ASIC5: variants seen among roughly 807,000 people sequenced by gnomAD.
ASIC5 encodes acid sensing ion channel subunit family member 5, also known as bile acid-sensitive ion channel.
ASIC5 carries 52 observed loss-of-function variants against 51.2 expected under a neutral mutation model. That is an observed-to-expected ratio of 1.02 (90% CI 0.81 to 1.28). ASIC5 has a LOEUF of 1.28. ASIC5 is among the 50% of genes most tolerant of loss of function. ASIC5 has a pLI of 0.00. For synonymous variants in ASIC5, 231 were observed against 200.7 expected (o/e 1.15, Z -1.28); for missense variants, 635 against 595.0 (o/e 1.07, Z -0.70).
intron 2 of ASIC5, chr4:155,855,365 C>G (rs1036162901): frequency 6.6e-6 from 1 of 151,976 alleles, no homozygotes; most frequent in Non-Finnish European, 1.5e-5. Context: ...TCATTCTGGC[C>G]ACCAAAGCAG....
Position 155,866,221 on chromosome 4 carries a change from C to G in ASIC5, c.6G>C (p.Glu2Asp), listed in dbSNP as rs1741860670. M[E>D]QTEKSKVYAE... ...CATATACTTTTGATTTTTCTGTCTG[C>G]TCCATTTGTGATTTCAGTTAAGCAA... Residue 2 changes from glutamate (E) to aspartate (D), a missense_variant, in exon 1 of 10, where the codon GAG becomes GAC. Transcript: ENST00000537611. The G allele has an allele frequency of 1.2e-6, 2 of 1,608,150 alleles. No homozygotes were observed. The highest frequency in any genetic ancestry group is 1.7e-6 in the Non-Finnish European group (2 of 1,175,770).
intron 8 of ASIC5, among the ~76,000 whole-genome samples, chr4:155,835,408 T>A (rs2111226813): frequency 3.0e-5 from 1 of 33,424 alleles, no homozygotes; most frequent in South Asian, 1.2e-3. Flanking sequence ...TAATCTGAGT[T>A]TTGGAAAAAA....
chr4:155,840,257 A>G (rs764299320), intron 6 of ASIC5, among the ~76,000 whole-genome samples: 1 of 151,936 alleles, frequency 6.6e-6, no homozygotes, highest in Non-Finnish European at 1.5e-5. Flanking sequence ...ATTAGGAATG[A>G]GAAATCAGAG....
intron 1 of ASIC5, among the ~76,000 whole-genome samples, chr4:155,865,907 G>A (rs555780125): frequency 5.9e-5 from 9 of 152,022 alleles, no homozygotes; most frequent in African/African-American, 2.2e-4. Flanking sequence ...AAACCTGCAG[G>A]CCCAGGATAA....
intron 2 of ASIC5, among the ~76,000 whole-genome samples, 153 bp from the exon 3 acceptor site, chr4:155,854,467 G>A (rs1448320072): frequency 6.6e-6 from 1 of 152,058 alleles, no homozygotes; most frequent in Admixed American, 6.6e-5. Flanking sequence ...TGCCTAAGAA[G>A]TCTTTGACCC....
intron 8 of ASIC5, among the ~76,000 whole-genome samples, chr4:155,834,757 C>A (rs949141830): frequency 6.6e-6 from 1 of 152,114 alleles, no homozygotes; most frequent in African/African-American, 2.4e-5. Flanking sequence ...GCCCACTACA[C>A]CCCCTATCCT....
At chr4:155,839,995 C>T (rs914045900) in intron 6 of ASIC5, among the ~76,000 whole-genome samples, 1 of 152,014 alleles carries the variant, frequency 6.6e-6, no homozygotes, top group Non-Finnish European at 1.5e-5. Flanking sequence ...TAGAATCTTC[C>T]GTTTATTCAT....
intron 2 of ASIC5, among the ~76,000 whole-genome samples, chr4:155,861,798 T>C (rs1292171391): frequency 6.6e-6 from 1 of 152,040 alleles, no homozygotes; most frequent in Non-Finnish European, 1.5e-5. Flanking sequence ...CTATTTCACA[T>C]GAATTTTCCC....
intron 9 of ASIC5, among the ~76,000 whole-genome samples, chr4:155,830,826 C>T (rs1740856213): frequency 1.3e-5 from 2 of 152,200 alleles, no homozygotes; most frequent in South Asian, 2.1e-4. Flanking sequence ...TCCAGCAGTG[C>T]TTTCATAAAC....
At chr4:155,838,517 A>G (rs1741044494) in intron 7 of ASIC5, among the ~76,000 whole-genome samples, 1 of 152,192 alleles carries the variant, frequency 6.6e-6, no homozygotes, top group Admixed American at 6.5e-5. Context: ...GTAGTATTTT[A>G]ACTATTCACA....
intron 2 of ASIC5, among the ~76,000 whole-genome samples, chr4:155,858,621 T>C (rs1741609290): frequency 6.6e-6 from 1 of 152,086 alleles, no homozygotes; most frequent in Admixed American, 6.6e-5. Context: ...ATCCATGCTT[T>C]TTCCTAAGAG....
chr4:155,838,883 A>C lies in ASIC5; in HGVS notation c.1010-14T>G. 6.8e-7 allele frequency: 1 copy of C among 1,460,612 alleles called. No homozygotes were observed. Among genetic ancestry groups the C allele is most frequent in the Non-Finnish European group, 9.5e-7 (1 of 1,049,686 alleles). 90.5% of individuals were successfully genotyped at this position (1,460,612 alleles called of 1,614,324 possible). ...CTATCCCATATCCTTAAAAATAATA[A>C]GTGTAACATATAGAGACTTTACATT... On this transcript the variant is annotated splice_polypyrimidine_tract_variant and intron_variant, in intron 6 of 9. Coordinates refer to ENST00000537611, the MANE Select transcript of ASIC5 (RefSeq NM_017419.3).
At chr4:155,859,083 C>T (rs974457430) in intron 2 of ASIC5, among the ~76,000 whole-genome samples, 1 of 151,884 alleles carries the variant, frequency 6.6e-6, no homozygotes, top group Non-Finnish European at 1.5e-5. Flanking sequence ...TGCCTTCTAT[C>T]TTTGCAGTTA....
At chr4:155,842,815 C>T (rs907193827) in intron 5 of ASIC5, among the ~76,000 whole-genome samples, 6 of 151,704 alleles carry the variant, frequency 4.0e-5, no homozygotes, top group Middle Eastern at 3.4e-3. Context: ...ATGAGGCTCG[C>T]GGGCAAATAG....
chr4:155,853,599 CTAGTTATTATATATAATATATAATAT>C (rs1741445198), intron 3 of ASIC5, among the ~76,000 whole-genome samples: 3 of 2,824 alleles, frequency 1.1e-3, no homozygotes, highest in African/African-American at 2.4e-3. Context: ...ATAATATATA[CTAGTTATTATATATAATATATAATAT>C]ATAATAATAA....
intron 2 of ASIC5, among the ~76,000 whole-genome samples, chr4:155,855,588 A>G (rs1420680734): frequency 2.6e-5 from 4 of 151,756 alleles, no homozygotes; most frequent in Non-Finnish European, 5.9e-5. Context: ...AACGGAATGC[A>G]TATTCCACTC....
chr4:155,844,199 A>G (rs1402427965), intron 4 of ASIC5, among the ~76,000 whole-genome samples: 1 of 152,044 alleles, frequency 6.6e-6, no homozygotes, highest in South Asian at 2.1e-4. Context: ...GGCACCTTAT[A>G]GCCCAAACCA....
intron 6 of ASIC5, 83 bp from the exon 7 acceptor site, chr4:155,838,952 A>G (rs1741055735): frequency 2.8e-6 from 2 of 704,800 alleles, no homozygotes; most frequent in Non-Finnish European, 4.8e-6. Context: ...TTTCTTACCT[A>G]CATCTATCCA....
At chr4:155,835,293 TGCATGCTCTCCATAGGAGTTTGAGC>T (rs1740952066) in intron 8 of ASIC5, among the ~76,000 whole-genome samples, 1 of 152,070 alleles carries the variant, frequency 6.6e-6, no homozygotes, top group Non-Finnish European at 1.5e-5. Flanking sequence ...CCTGCCCGTC[TGCATGCTCTCCATAGGAGTTTGAGC>T]TGCGGGGATA....
Sources: gnomAD v4.1 joint callset for allele counts (sites outside exome capture counted in the v4.1 genomes callset) on GRCh38, gnomAD v4.1.1 for gene constraint, MANE v1.5 for transcripts, NCBI Gene and HGNC (gene_info 2026-07-23, HGNC 2026-07-21) for gene names.